Variants in ADAMTSL3 observed in about 807,000 individuals in gnomAD.
ADAMTSL3 encodes ADAMTS like 3, also known as ADAMTS-like protein 3.
Under a neutral mutation model 201.7 loss-of-function variants are expected in ADAMTSL3, and 128 were observed. That is an observed-to-expected ratio of 0.63 (90% CI 0.55 to 0.73). The LOEUF is 0.73. Ranked by LOEUF, ADAMTSL3 falls within the 30% of genes least tolerant of loss-of-function variation. ADAMTSL3 has a pLI of 0.00. For synonymous variants in ADAMTSL3, 738 were observed against 748.4 expected (o/e 0.99, Z 0.23); for missense variants, 1,990 against 2,119.6 (o/e 0.94, Z 1.20).
chr15:83,655,157 G>A (rs1001562233), intron 1 of ADAMTSL3, among the ~76,000 whole-genome samples: 11 of 152,192 alleles, frequency 7.2e-5, no homozygotes, highest in Admixed American at 2.6e-4. Flanking sequence ...CAGGGGCTGT[G>A]TCCTCCAAAC....
chr15:83,655,767 T>C lies in ADAMTSL3; in HGVS notation c.6T>C (p.Ala2=), dbSNP rs757481413. ...CCCGGAGGAGACTAGACCCCATGGC[T>C]TCCTGGACGAGCCCCTGGTGGGTGC... M[A]SWTSPWWVLI... is the part of the protein sequence containing the mutation. Residue 2 remains alanine (A), a synonymous_variant, in exon 2 of 30, where the codon GCT becomes GCC. Coordinates refer to ENST00000286744, the MANE Select transcript of ADAMTSL3 (RefSeq NM_207517.3). 6.2e-7 allele frequency: 1 copy of C among 1,614,130 alleles called. No individual in the cohort carries two copies. Among genetic ancestry groups the C allele is most frequent in the South Asian group, 1.1e-5 (1 of 91,072 alleles).
intron 2 of ADAMTSL3, among the ~76,000 whole-genome samples, chr15:83,689,359 T>G (rs1339612592): frequency 1.3e-5 from 2 of 152,222 alleles, no homozygotes. Context: ...TACTCTCTGC[T>G]CAGATGTATG....
At chr15:83,779,553 C>A (rs540204523) in intron 4 of ADAMTSL3, among the ~76,000 whole-genome samples, 16 of 151,876 alleles carry the variant, frequency 1.1e-4, no homozygotes, top group Admixed American at 9.2e-4. Context: ...AAAAAATTAG[C>A]CGGGCGTGGT....
At position 83,773,713 on chromosome 15, in the gene ADAMTSL3, A is replaced by G. The variant is rs1322474544; in HGVS notation, c.317+63A>G. The G allele has an allele frequency of 5.8e-6, 9 of 1,545,096 alleles. No homozygotes were observed. In the African/African-American group the frequency reaches 6.9e-5, roughly 12 times the overall value. ...TGCCAGTGCCTCTGGATGGGTGGAG[A>G]GGAGAGATAACTTTATATGGCTTTG... is the stretch of plus-strand genomic sequence containing the variant. On this transcript the variant is annotated intron_variant, in intron 4 of 29. Coordinates refer to ENST00000286744, the MANE Select transcript of ADAMTSL3 (RefSeq NM_207517.3).
chr15:83,844,696 A>C (rs971894183), intron 7 of ADAMTSL3, among the ~76,000 whole-genome samples: 1 of 152,162 alleles, frequency 6.6e-6, no homozygotes, highest in African/African-American at 2.4e-5. Flanking sequence ...ACTAGAAATA[A>C]AGACTCCTGG....
chr15:83,933,812 C>G (rs553054842), intron 17 of ADAMTSL3, among the ~76,000 whole-genome samples: 7 of 152,330 alleles, frequency 4.6e-5, no homozygotes, highest in African/African-American at 1.4e-4. Flanking sequence ...AGCCAACATA[C>G]AGCTCAGTCC....
intron 3 of ADAMTSL3, among the ~76,000 whole-genome samples, chr15:83,753,010 A>G (rs1294318179): frequency 6.6e-6 from 1 of 152,182 alleles, no homozygotes; most frequent in Admixed American, 6.6e-5. Flanking sequence ...GCCTGCTTGC[A>G]ATCATGAGTT....
chr15:83,738,167 T>A (rs1004361278), intron 3 of ADAMTSL3, among the ~76,000 whole-genome samples: 11 of 152,146 alleles, frequency 7.2e-5, no homozygotes, highest in African/African-American at 2.4e-4. Context: ...ACAAAGAAAC[T>A]GGTAAAGCTT....
intron 2 of ADAMTSL3, among the ~76,000 whole-genome samples, chr15:83,700,025 A>C (rs2061748959): frequency 6.6e-6 from 1 of 152,238 alleles, no homozygotes; most frequent in Non-Finnish European, 1.5e-5. Context: ...CCTCCATGAA[A>C]ATAGGAACCT....
chr15:83,656,656 G>A (rs12148878), intron 2 of ADAMTSL3, among the ~76,000 whole-genome samples: 1 of 152,206 alleles, frequency 6.6e-6, no homozygotes, highest in Non-Finnish European at 1.5e-5. Flanking sequence ...GCACATCTTA[G>A]TATTGTGTCC....
intron 2 of ADAMTSL3, among the ~76,000 whole-genome samples, chr15:83,687,727 G>A (rs138791586): frequency 6.6e-6 from 1 of 152,228 alleles, no homozygotes; most frequent in East Asian, 1.9e-4. Flanking sequence ...GAATATGAAA[G>A]CAGCACACCT....
At chr15:83,678,264 C>T (rs2061432227) in intron 2 of ADAMTSL3, among the ~76,000 whole-genome samples, 1 of 152,010 alleles carries the variant, frequency 6.6e-6, no homozygotes, top group Non-Finnish European at 1.5e-5. Flanking sequence ...AGTTTTGAAG[C>T]CATCTTCTGT....
At chr15:83,950,314 G>A (rs986559854) in intron 19 of ADAMTSL3, among the ~76,000 whole-genome samples, 1 of 152,048 alleles carries the variant, frequency 6.6e-6, no homozygotes, top group Non-Finnish European at 1.5e-5. Context: ...TGAGTTCACT[G>A]TAGATCTATG....
At chr15:83,782,871 A>G (rs565593727) in intron 4 of ADAMTSL3, among the ~76,000 whole-genome samples, 2 of 151,178 alleles carry the variant, frequency 1.3e-5, no homozygotes, top group South Asian at 4.2e-4. Flanking sequence ...CTCTGAACTT[A>G]AAATAAAGGT....
intron 2 of ADAMTSL3, among the ~76,000 whole-genome samples, chr15:83,683,166 C>T (rs1567069576): frequency 6.6e-6 from 1 of 152,170 alleles, no homozygotes; most frequent in Non-Finnish European, 1.5e-5. Context: ...CTTGCTCAGA[C>T]CTTCTGTGTG....
At chr15:83,976,200 C>G (rs2142142963) in intron 20 of ADAMTSL3, among the ~76,000 whole-genome samples, 1 of 152,180 alleles carries the variant, frequency 6.6e-6, no homozygotes, top group African/African-American at 2.4e-5. Flanking sequence ...CGCCTATTTC[C>G]ATAGTGTAAA....
At chr15:83,764,613 A>G (rs1257686971) in intron 3 of ADAMTSL3, among the ~76,000 whole-genome samples, 1 of 151,994 alleles carries the variant, frequency 6.6e-6, no homozygotes, top group East Asian at 1.9e-4. Flanking sequence ...GCAGCCCTGT[A>G]TACACAGCCC....
At chr15:83,831,876 A>G (rs565840056) in intron 6 of ADAMTSL3, among the ~76,000 whole-genome samples, 8 of 152,286 alleles carry the variant, frequency 5.3e-5, no homozygotes, top group South Asian at 4.1e-4. Flanking sequence ...CATTAACTTC[A>G]TGGTAAATCC....
chr15:83,947,506 A>T (rs780929098), intron 19 of ADAMTSL3, among the ~76,000 whole-genome samples: 3 of 152,198 alleles, frequency 2.0e-5, no homozygotes, highest in Non-Finnish European at 4.4e-5. Context: ...ATATCAGGCA[A>T]TCTTCCCAAA....
Sources: allele counts gnomAD v4.1 joint callset (sites outside exome capture counted in the v4.1 genomes callset), GRCh38; gene constraint gnomAD v4.1.1; transcripts MANE v1.5; gene names NCBI Gene and HGNC (gene_info 2026-07-23, HGNC 2026-07-21).